Variants in SLC14A2 observed in about 807,000 individuals in gnomAD.
SLC14A2 encodes solute carrier family 14 member 2.
A neutral mutation model predicts 104.6 loss-of-function variants in SLC14A2; 91 were observed. That is an observed-to-expected ratio of 0.87 (90% CI 0.73 to 1.04). SLC14A2 has a LOEUF of 1.04. SLC14A2 is among the 50% of genes least tolerant of loss of function. The pLI is 0.00. For synonymous variants in SLC14A2, 476 were observed against 466.4 expected, an observed-to-expected ratio of 1.02 and a Z score of -0.27; for missense variants, 1,189 against 1,156.0, an observed-to-expected ratio of 1.03 and a Z score of -0.41.
At chr18:45,568,216 C>T (rs916573703) in intron 2 of SLC14A2, among the ~76,000 whole-genome samples, 2 of 152,342 alleles carry the variant, frequency 1.3e-5, no homozygotes, top group African/African-American at 4.8e-5. Flanking sequence ...CAGGCTTGTG[C>T]CTTGCCCCCG....
At chr18:45,500,508 C>T (rs1226263664) in intron 2 of SLC14A2, among the ~76,000 whole-genome samples, 2 of 140,162 alleles carry the variant, frequency 1.4e-5, no homozygotes, top group Non-Finnish European at 3.0e-5. Context: ...ACCCGGGAGG[C>T]GGAGCTTGCA....
At position 45,554,665 on chromosome 18, in the gene SLC14A2, G is replaced by T. The variant is rs533980367; in HGVS notation, c.-34-69966G>T. On this transcript the variant is annotated intron_variant, in intron 2 of 20. Coordinates refer to the SLC14A2 transcript ENST00000586448. ...TGTGCTGGGAAGGATGGGGGTGTGG[G>T]GGGGAATAAGGAGGGCCGCCCTTCT... 3.3e-5 allele frequency among the ~76,000 whole-genome samples: 5 copies of T among 152,244 alleles called. No homozygotes were observed. In the East Asian group the frequency reaches 7.7e-4, roughly 24 times the overall value.
intron 1 of SLC14A2, among the ~76,000 whole-genome samples, chr18:45,394,977 CA>C (rs1429376096): frequency 6.6e-6 from 1 of 151,928 alleles, no homozygotes; most frequent in Non-Finnish European, 1.5e-5. Flanking sequence ...GGGTACTTAC[CA>C]AAAAGAATTG....
chr18:45,586,979 T>C (rs2044575327), intron 2 of SLC14A2, among the ~76,000 whole-genome samples: 1 of 152,172 alleles, frequency 6.6e-6, no homozygotes, highest in Non-Finnish European at 1.5e-5. Flanking sequence ...AAAAGTTTAT[T>C]CTTCTTTATT....
chr18:45,298,307 T>C (rs2144183963), intron 1 of SLC14A2, among the ~76,000 whole-genome samples: 1 of 152,326 alleles, frequency 6.6e-6, no homozygotes, highest in Middle Eastern at 3.4e-3. Flanking sequence ...TTGCCGTTAC[T>C]TAGAGAAAAG....
chr18:45,532,042 T>C (rs1278338509), intron 2 of SLC14A2, among the ~76,000 whole-genome samples: 2 of 152,214 alleles, frequency 1.3e-5, no homozygotes, highest in Non-Finnish European at 2.9e-5. Context: ...AGGTCTCTGT[T>C]CTGTTCCATT....
chr18:45,284,731 A>G (rs548036149), intron 1 of SLC14A2, among the ~76,000 whole-genome samples: 7 of 152,314 alleles, frequency 4.6e-5, no homozygotes, highest in African/African-American at 1.7e-4. Context: ...GAAAGAACAG[A>G]AAGGGCTGGA....
chr18:45,251,292 C>A (rs1022146485), intron 1 of SLC14A2, among the ~76,000 whole-genome samples: 5 of 152,186 alleles, frequency 3.3e-5, no homozygotes, highest in African/African-American at 9.7e-5. Flanking sequence ...CTTTTTCATT[C>A]CTGAGTTACT....
At chr18:45,542,035 G>GGTTTTT (rs2043891489) in intron 2 of SLC14A2, among the ~76,000 whole-genome samples, 1 of 54,206 alleles carries the variant, frequency 1.8e-5, no homozygotes, top group Non-Finnish European at 3.7e-5. Flanking sequence ...AAGAGAGAGG[G>GGTTTTT]TTTTTTTTTT....
intron 1 of SLC14A2, among the ~76,000 whole-genome samples, chr18:45,347,559 A>C (rs141785262): frequency 6.6e-6 from 1 of 152,176 alleles, no homozygotes; most frequent in Non-Finnish European, 1.5e-5. Flanking sequence ...AACCCAGAGA[A>C]GACAAGGGCT....
chr18:45,594,549 G>A (rs901034266), intron 2 of SLC14A2, among the ~76,000 whole-genome samples: 1 of 151,968 alleles, frequency 6.6e-6, no homozygotes, highest in Non-Finnish European at 1.5e-5. Context: ...TTCTCTCCTG[G>A]ACCGGTCATT....
Position 45,292,993 on chromosome 18 carries a change from G to GC in SLC14A2, c.-125+79809dup, listed in dbSNP as rs111311955. Among the ~76,000 whole-genome samples the GC allele has an allele frequency of 1.0e-2, 1,511 of 151,412 alleles. 30 individuals are homozygous for GC. The highest frequency in any genetic ancestry group is 0.033 in the African/African-American group (1,369 of 41,238). ...AGCTTTGTTGCTTGACACCGCCCCT[G>GC]CCCCCCCGCAAAAAAAAAGTGACTC... On this transcript the variant is annotated intron_variant, in intron 1 of 20. Transcript: ENST00000586448.
At chr18:45,430,458 C>T (rs746522862) in intron 1 of SLC14A2, among the ~76,000 whole-genome samples, 5 of 152,072 alleles carry the variant, frequency 3.3e-5, no homozygotes, top group Admixed American at 1.3e-4. Flanking sequence ...TAATAACTCA[C>T]GTAGCACTAA....
intron 1 of SLC14A2, among the ~76,000 whole-genome samples, chr18:45,348,344 A>T (rs958860981): frequency 6.6e-6 from 1 of 152,228 alleles, no homozygotes; most frequent in Non-Finnish European, 1.5e-5. Flanking sequence ...AAACCCTTGC[A>T]TATAACTCAT....
intron 2 of SLC14A2, among the ~76,000 whole-genome samples, chr18:45,545,169 C>A (rs538970570): frequency 1.3e-5 from 2 of 152,200 alleles, no homozygotes; most frequent in Non-Finnish European, 2.9e-5. Context: ...ACACCATCTG[C>A]GGACATGCTT....
intron 1 of SLC14A2, among the ~76,000 whole-genome samples, chr18:45,448,762 C>A (rs1266872947): frequency 6.6e-6 from 1 of 152,176 alleles, no homozygotes; most frequent in African/African-American, 2.4e-5. Flanking sequence ...ATTTTTAACT[C>A]CACTCCATGA....
chr18:45,604,260 G>A (rs1000214832), intron 2 of SLC14A2, among the ~76,000 whole-genome samples: 3 of 152,256 alleles, frequency 2.0e-5, no homozygotes, highest in African/African-American at 7.2e-5. Context: ...GATGAAATTG[G>A]TGTGAGATCC....
the SLC14A2 span, among the ~76,000 whole-genome samples, chr18:45,196,794 C>T: frequency 1.3e-5 from 2 of 152,216 alleles, no homozygotes; most frequent in Non-Finnish European, 2.9e-5. Context: ...TGTTTCATAC[C>T]TGGAGCTAGG....
intron 2 of SLC14A2, among the ~76,000 whole-genome samples, chr18:45,566,149 T>C (rs1196794102): frequency 6.6e-6 from 1 of 152,130 alleles, no homozygotes; most frequent in Non-Finnish European, 1.5e-5. Flanking sequence ...AATTAAGAAA[T>C]AGTCAGATTT....
Sources: gnomAD v4.1 joint callset for allele counts (sites outside exome capture counted in the v4.1 genomes callset) on GRCh38, gnomAD v4.1.1 for gene constraint, MANE v1.5 for transcripts, NCBI Gene and HGNC (gene_info 2026-07-23, HGNC 2026-07-21) for gene names.